NDFIP2: variants seen among roughly 807,000 people sequenced by gnomAD.
The protein encoded by NDFIP2 is Nedd4 family interacting protein 2.
Under a neutral mutation model 36.0 loss-of-function variants are expected in NDFIP2, and 19 were observed. The ratio of observed to expected loss-of-function variants is 0.53; its 90% CI spans 0.37 to 0.77. The LOEUF (loss-of-function observed/expected upper bound fraction) is 0.77, where lower values mean the gene tolerates loss of function less well. Among genes scored for constraint, NDFIP2 ranks in the 30% least tolerant of loss-of-function variants. The pLI is 0.00. For missense variants in NDFIP2, 446 were observed against 435.8 expected, an observed-to-expected ratio of 1.02 and a Z score of -0.21; for synonymous variants, 181 against 167.7, an observed-to-expected ratio of 1.08 and a Z score of -0.61.
At chr13:79,520,740 T>A in intron 1 of NDFIP2, 70 bp from the exon 2 acceptor site, 1 of 1,409,038 alleles carries the variant, frequency 7.1e-7, no homozygotes. Context: ...TCTGAAATGA[T>A]AAAATCAGCT....
intron 1 of NDFIP2, among the ~76,000 whole-genome samples, chr13:79,508,986 T>C (rs1044346109): frequency 6.6e-6 from 1 of 152,214 alleles, no homozygotes; most frequent in African/African-American, 2.4e-5. Context: ...TTCTTCTGTG[T>C]GCTGTTGTTT....
intron 1 of NDFIP2, among the ~76,000 whole-genome samples, chr13:79,497,577 GT>G (rs1259336019): frequency 6.7e-6 from 1 of 149,726 alleles, no homozygotes; most frequent in Admixed American, 6.7e-5. Context: ...TTTGTCCTAA[GT>G]TCATAGTTGC....
intron 3 of NDFIP2, among the ~76,000 whole-genome samples, chr13:79,537,657 G>GT (rs1340325796): frequency 6.6e-6 from 1 of 152,160 alleles, no homozygotes; most frequent in African/African-American, 2.4e-5. Context: ...GGTTTTGAAA[G>GT]TTTTTTTATT....
Position 79,484,716 on chromosome 13 carries a change from T to G in NDFIP2, c.321+3192T>G, listed in dbSNP as rs200658399. ...TGTATCTGGGGAATTAGAGTTGCCCTCGATAAATTAGCTGAGAAGGAGGCT... is the reference window on the plus strand; with the variant it reads ...TGTATCTGGGGAATTAGAGTTGCCCGCGATAAATTAGCTGAGAAGGAGGCT... On this transcript the variant is annotated intron_variant, in intron 1 of 7. Coordinates refer to ENST00000218652, the MANE Select transcript of NDFIP2 (RefSeq NM_019080.3). Among the ~76,000 whole-genome samples the G allele has an allele frequency of 1.6e-4, 25 of 152,286 alleles. 1 individual carries two copies. The East Asian group carries it at 4.4e-3, about 27-fold the overall frequency.
chr13:79,503,350 A>T (rs1873739210), intron 1 of NDFIP2, among the ~76,000 whole-genome samples: 1 of 152,120 alleles, frequency 6.6e-6, no homozygotes, highest in Non-Finnish European at 1.5e-5. Context: ...TCCCAAATTG[A>T]GTCTTAATGG....
chr13:79,483,099 T>C (rs1004012976), intron 1 of NDFIP2, among the ~76,000 whole-genome samples: 4 of 152,210 alleles, frequency 2.6e-5, no homozygotes, highest in African/African-American at 9.6e-5. Flanking sequence ...CATATTTTAT[T>C]GCTGCCCCCT....
intron 3 of NDFIP2, among the ~76,000 whole-genome samples, chr13:79,535,964 TTG>T (rs1875221757): frequency 6.6e-6 from 1 of 152,204 alleles, no homozygotes; most frequent in Admixed American, 6.5e-5. Flanking sequence ...GTACATTCAG[TTG>T]TAAATGAGTC....
At chr13:79,495,922 A>T (rs1873417841) in intron 1 of NDFIP2, among the ~76,000 whole-genome samples, 1 of 151,892 alleles carries the variant, frequency 6.6e-6, no homozygotes, top group South Asian at 2.1e-4. Context: ...TTAATATTGT[A>T]TCACTTCATA....
At chr13:79,540,605 A>T (rs923779209) in intron 4 of NDFIP2, among the ~76,000 whole-genome samples, 3 of 152,188 alleles carry the variant, frequency 2.0e-5, no homozygotes, top group Middle Eastern at 3.2e-3. Flanking sequence ...CTTTATTATG[A>T]TCATAAAACC....
chr13:79,506,867 T>G (rs1873887434), intron 1 of NDFIP2, among the ~76,000 whole-genome samples: 2 of 152,148 alleles, frequency 1.3e-5, no homozygotes, highest in African/African-American at 4.8e-5. Flanking sequence ...AAAAATACCT[T>G]AAGATCTAGG....
At chr13:79,489,425 C>A (rs1873140463) in intron 1 of NDFIP2, among the ~76,000 whole-genome samples, 1 of 152,242 alleles carries the variant, frequency 6.6e-6, no homozygotes, top group South Asian at 2.1e-4. Context: ...TTTGCAGTAT[C>A]CTATTGGTCA....
chr13:79,535,728 T>A (rs930872528), intron 3 of NDFIP2, among the ~76,000 whole-genome samples: 1 of 152,144 alleles, frequency 6.6e-6, no homozygotes, highest in Non-Finnish European at 1.5e-5. Flanking sequence ...CTGATTGAGA[T>A]GAAAAATTGG....
chr13:79,527,117 A>C (rs1444600019), intron 2 of NDFIP2, among the ~76,000 whole-genome samples: 7 of 152,228 alleles, frequency 4.6e-5, no homozygotes, highest in Non-Finnish European at 8.8e-5. Context: ...TAATGGGTTA[A>C]AAAGAGCACA....
intron 3 of NDFIP2, among the ~76,000 whole-genome samples, chr13:79,534,845 C>T (rs982614677): frequency 1.3e-5 from 2 of 152,152 alleles, no homozygotes; most frequent in African/African-American, 4.8e-5. Context: ...GAATGTGTTT[C>T]TTTGATCAGC....
chr13:79,503,515 G>A (rs144145920), intron 1 of NDFIP2, among the ~76,000 whole-genome samples: 75 of 152,218 alleles, frequency 4.9e-4, no homozygotes, highest in Non-Finnish European at 8.8e-4. Context: ...GTGGAAGTAA[G>A]GAATGAAAAA....
chr13:79,544,096 TTATTGTGA>T (rs1446076849), intron 5 of NDFIP2, among the ~76,000 whole-genome samples: 3 of 152,180 alleles, frequency 2.0e-5, no homozygotes, highest in Non-Finnish European at 4.4e-5. Flanking sequence ...ATGGCTACTA[TTATTGTGA>T]TATAGTGCAG....
At position 79,555,915 on chromosome 13, in the gene NDFIP2, A is replaced by G; in HGVS notation, c.*3402A>G. On this transcript the variant is annotated 3_prime_UTR_variant, in exon 8 of 8. Transcript: ENST00000218652. ...CGCATATTATCATGACTGTGACCTC[A>G]CTAAACTGTTTATGTGACAAACCTT... 6.6e-6 allele frequency: 1 copy of G among 152,180 alleles called. No individual in the cohort carries two copies. Among genetic ancestry groups the G allele is most frequent in the Middle Eastern group, 3.2e-3 (1 of 316 alleles). 9.4% of individuals were successfully genotyped at this position (152,180 alleles called of 1,614,324 possible). A position where few individuals can be genotyped will look rare whatever the true frequency, so the allele number is the denominator to read the frequency against.
At chr13:79,523,417 A>G (rs1435858249) in intron 2 of NDFIP2, among the ~76,000 whole-genome samples, 1 of 152,022 alleles carries the variant, frequency 6.6e-6, no homozygotes, top group Non-Finnish European at 1.5e-5. Flanking sequence ...ATGGCATTTC[A>G]CCATGTTGGT....
chr13:79,495,380 TA>T (rs924672006), intron 1 of NDFIP2, among the ~76,000 whole-genome samples: 1 of 151,958 alleles, frequency 6.6e-6, no homozygotes, highest in Non-Finnish European at 1.5e-5. Flanking sequence ...TCTGCTCTCT[TA>T]TGAAATGTCC....
Sources: allele counts gnomAD v4.1 joint callset (sites outside exome capture counted in the v4.1 genomes callset), GRCh38; gene constraint gnomAD v4.1.1; transcripts MANE v1.5; gene names NCBI Gene and HGNC (gene_info 2026-07-23, HGNC 2026-07-21).